The following ACP7 variants were observed in gnomAD, a reference collection of about 807,000 sequenced individuals.
ACP7 encodes acid phosphatase 7, tartrate resistant (putative).
ACP7 carries 58 observed loss-of-function variants against 60.6 expected under a neutral mutation model. That is an observed-to-expected ratio of 0.96 (90% CI 0.77 to 1.19). The LOEUF is 1.19. Among genes scored for constraint, ACP7 ranks in the 50% most tolerant of loss-of-function variants. The pLI is 0.00. For synonymous variants in ACP7, 237 were observed against 232.6 expected, an observed-to-expected ratio of 1.02 and a Z score of -0.17; for missense variants, 574 against 596.2, an observed-to-expected ratio of 0.96 and a Z score of 0.39.
intron 2 of ACP7, among the ~76,000 whole-genome samples, chr19:39,093,446 G>A (rs2073233512): frequency 6.6e-6 from 1 of 151,824 alleles, no homozygotes; most frequent in African/African-American, 2.4e-5. Context: ...TAGAGACCGG[G>A]TTTTGCCATA....
chr19:39,101,397 A>G, intron 10 of ACP7, 42 bp downstream of exon 10: 1 of 1,613,846 alleles, frequency 6.2e-7, no homozygotes, highest in Non-Finnish European at 8.5e-7. Flanking sequence ...AGCTGGGGTC[A>G]GGGTGGTCAG....
At chr19:39,096,127 T>G (rs530311611) in intron 2 of ACP7, among the ~76,000 whole-genome samples, 1 of 152,370 alleles carries the variant, frequency 6.6e-6, no homozygotes, top group South Asian at 2.1e-4. Context: ...ATCTCCTCGT[T>G]ACTTATGCAA....
chr19:39,083,814 C>T (rs1399314469), upstream of ACP7: 1 of 152,252 alleles, frequency 6.6e-6, no homozygotes, highest in Admixed American at 6.5e-5. Context: ...TCACCTAGGT[C>T]GCACAGCTCA....
Position 39,098,647 on chromosome 19 carries a change from G to A in ACP7, c.311G>A (p.Gly104Glu). Residue 104 changes from glycine to glutamate, a missense_variant, in exon 3 of 13, where the codon GGG (glycine) becomes GAG (glutamate). Physicochemically the swap from Gly to Glu is moderately conservative, Grantham distance 98 (BLOSUM62 -2). Transcript: ENST00000331256. ...HRVTLRKLLP[G>E]VQYVYRCGSA... ...GTCACGCTTCGCAAGCTGCTGCCAG[G>A]GGTTCAGTATGGTGAGAGGGGCCCC... The A allele has an allele frequency of 1.2e-6, 2 of 1,611,570 alleles. No homozygotes were observed. Among genetic ancestry groups the A allele is most frequent in the Non-Finnish European group, 1.7e-6 (2 of 1,178,712 alleles).
rs200240965 is a variant in ACP7, at chr19:39,100,973, C to T, written c.832C>T (p.Arg278Trp). Residue 278 changes from arginine to tryptophan, a missense_variant, in exon 8 of 13, where the codon CGG (arginine) becomes TGG (tryptophan). Coordinates refer to ENST00000331256, the MANE Select transcript of ACP7 (RefSeq NM_001004318.3). ...LQKANKNRAA[R>W]PWIITMGHRP... ...GAAAGCCAATAAGAACCGGGCAGCCCGGCCGTGGATCATCACTATGGGGCA... is the reference window on the plus strand; with the variant it reads ...GAAAGCCAATAAGAACCGGGCAGCCTGGCCGTGGATCATCACTATGGGGCA... 108 of 1,613,594 alleles carry T rather than the reference C, an allele frequency of 6.7e-5. No homozygotes were observed. In the Admixed American group the frequency reaches 1.4e-3, roughly 20 times the overall value.
At chr19:39,097,043 G>A (rs572969608) in intron 2 of ACP7, among the ~76,000 whole-genome samples, 1 of 152,242 alleles carries the variant, frequency 6.6e-6, no homozygotes, top group South Asian at 2.1e-4. Flanking sequence ...CTCGTGATCT[G>A]CCCACCTTGG....
intron 11 of ACP7, among the ~76,000 whole-genome samples, chr19:39,106,462 G>A (rs1600273755): frequency 1.3e-5 from 2 of 152,156 alleles, no homozygotes; most frequent in Admixed American, 6.5e-5. Flanking sequence ...TCAGAGACCC[G>A]GAGCAAGGGA....
Position 39,100,315 on chromosome 19 carries a change from G to A in ACP7, c.594G>A (p.Pro198=), listed in dbSNP as rs8110736. 978,089 of 1,613,720 alleles carry A rather than the reference G, an allele frequency of 0.61. 297,244 individuals are homozygous for A. Among genetic ancestry groups the A allele is most frequent in the African/African-American group, 0.69 (51,984 of 74,918 alleles). Residue 198 remains proline, a synonymous_variant, in exon 5 of 13, where the codon CCG becomes CCA. Coordinates refer to ENST00000331256, the MANE Select transcript of ACP7 (RefSeq NM_001004318.3). The stretch of plus-strand genomic sequence containing the variant: ...TTGAACCCGTGGCTGCCAGCCTGCC[G>A]TACATGACATGCCCTGGGAATCATG... The part of the protein sequence containing the change: ...RLIEPVAASL[P]YMTCPGNHEE...
intron 12 of ACP7, among the ~76,000 whole-genome samples, chr19:39,108,529 G>A (rs1398807545): frequency 1.3e-5 from 2 of 152,028 alleles, no homozygotes; most frequent in African/African-American, 2.4e-5. Context: ...GGGGGTTGAA[G>A]GACTTATTAT....
intron 2 of ACP7, among the ~76,000 whole-genome samples, chr19:39,095,082 A>G (rs2073250752): frequency 6.6e-6 from 1 of 152,224 alleles, no homozygotes; most frequent in Admixed American, 6.5e-5. Context: ...GTGGGGACAC[A>G]GAGCCAAACC....
At chr19:39,101,610 T>C (rs1252492095) in intron 11 of ACP7, 73 bp downstream of exon 11, 2 of 1,493,778 alleles carry the variant, frequency 1.3e-6, no homozygotes, top group African/African-American at 1.4e-5. Context: ...TGTTCCAGAC[T>C]GAGTGCTGGG....
At chr19:39,090,679 A>G (rs768656) in intron 2 of ACP7, among the ~76,000 whole-genome samples, 2 of 150,848 alleles carry the variant, frequency 1.3e-5, no homozygotes, top group African/African-American at 2.4e-5. Context: ...ACAGAGTTTC[A>G]CCATGTTGCC....
At chr19:39,106,297 A>G (rs968236894) in intron 11 of ACP7, among the ~76,000 whole-genome samples, 3 of 152,062 alleles carry the variant, frequency 2.0e-5, no homozygotes, top group Non-Finnish European at 4.4e-5. Context: ...CATCTTGGCC[A>G]TCTTTCTGTA....
chr19:39,085,418 C>T (rs2073130378), intron 2 of ACP7, 28 bp downstream of exon 2: 1 of 1,591,620 alleles, frequency 6.3e-7, no homozygotes, highest in South Asian at 1.1e-5. Flanking sequence ...ATTTCTATGC[C>T]TCTACCAGAG....
At chr19:39,099,186 G>T in intron 4 of ACP7, 44 bp downstream of exon 4, 1 of 1,474,260 alleles carries the variant, frequency 6.8e-7, no homozygotes, top group South Asian at 1.4e-5. Context: ...TGGGGGGCGC[G>T]CGCAGGGATG....
At chr19:39,097,250 C>G (rs12983783) in intron 2 of ACP7, among the ~76,000 whole-genome samples, 1 of 152,150 alleles carries the variant, frequency 6.6e-6, no homozygotes, top group Non-Finnish European at 1.5e-5. Context: ...CAGTCTCCCA[C>G]TGGTCCCTCC....
rs759973414 is a variant in ACP7 at position 39,101,208 on chromosome 19, G to A, written c.973+1G>A. ...TTGGAGGATCTTTTCTACAAATATG[G>A]TGAGCGACCCTCAGGACCCATGCCC... On this transcript the variant is annotated splice_donor_variant, in intron 9 of 12. Coordinates refer to ENST00000331256, the MANE Select transcript of ACP7 (RefSeq NM_001004318.3). LOFTEE classifies it high-confidence loss of function. 2 of 1,614,166 alleles carry A rather than the reference G, an allele frequency of 1.2e-6. No homozygotes were observed. Among genetic ancestry groups the A allele is most frequent in the Non-Finnish European group, 1.7e-6 (2 of 1,180,034 alleles).
In ACP7 at chr19:39,098,600, G is replaced by C; in HGVS notation, c.264G>C (p.Arg88=). The C allele has an allele frequency of 1.9e-6, 3 of 1,613,686 alleles. No homozygotes were observed. The highest frequency in any genetic ancestry group is 2.5e-6 in the Non-Finnish European group (3 of 1,179,844). ...CCTTTGTGGACGGGGGCATTCTCCGGCGGAAGCTCTACATACACCGAGTCA... is the reference window on the plus strand; with the variant it reads ...CCTTTGTGGACGGGGGCATTCTCCGCCGGAAGCTCTACATACACCGAGTCA... The part of the protein sequence containing the change: ...FVPFVDGGIL[R]RKLYIHRVTL... The change falls in exon 3 of 13, where the codon CGG becomes CGC. Residue 88 remains arginine, a synonymous_variant. Coordinates refer to ENST00000331256, the MANE Select transcript of ACP7 (RefSeq NM_001004318.3).
Position 39,100,679 on chromosome 19 carries a change from T to G in ACP7, c.692+37T>G, listed in dbSNP as rs777935825. On this transcript the variant is annotated intron_variant, in intron 6 of 12. Transcript: ENST00000331256. Reference sequence around the variant, plus strand: ...GTGCTGGGGGACTGGCCCTCTCCCCTGAAGGATGGGAGATGCAGGGGAGCC... The same window carrying G: ...GTGCTGGGGGACTGGCCCTCTCCCCGGAAGGATGGGAGATGCAGGGGAGCC... 5 of 1,613,220 alleles carry G rather than the reference T, an allele frequency of 3.1e-6. No homozygotes were observed. The African/African-American group carries it at 5.3e-5, about 17-fold the overall frequency.
Sources: allele counts gnomAD v4.1 joint callset (sites outside exome capture counted in the v4.1 genomes callset), GRCh38; gene constraint gnomAD v4.1.1; transcripts MANE v1.5; gene names NCBI Gene and HGNC (gene_info 2026-07-23, HGNC 2026-07-21).